KDM7A: variants seen among roughly 807,000 people sequenced by gnomAD.
The protein encoded by KDM7A is lysine-specific demethylase 7A.
A neutral mutation model predicts 114.8 loss-of-function variants in KDM7A; 28 were observed. That is an observed-to-expected ratio of 0.24 (90% CI 0.18 to 0.33). The LOEUF (loss-of-function observed/expected upper bound fraction) is 0.33, where lower values mean the gene tolerates loss of function less well. Ranked by LOEUF, KDM7A falls within the 10% of genes least tolerant of loss-of-function variation. The probability of loss-of-function intolerance (pLI) is 1.00; values close to 1 mark genes in which losing one functional copy is unlikely to be tolerated. For synonymous variants in KDM7A, 423 were observed against 397.8 expected (o/e 1.06, Z -0.75); for missense variants, 942 against 1,142.5 (o/e 0.82, Z 2.53).
In KDM7A at chr7:140,133,647, CT is replaced by C; in HGVS notation, c.289del (p.Arg97GlyfsTer41). On this transcript the variant is annotated frameshift_variant, in exon 3 of 20. Coordinates refer to ENST00000397560, the MANE Select transcript of KDM7A (RefSeq NM_030647.2). LOFTEE classifies it high-confidence loss of function. ...GTAGTCATGTCTGTGCCAGTTCCTC[CT>C]TTTTTTCACTGGATTTTTAAAAGAT... ...VLHGSSLMKK[R>X]RNWHRHDYTE... 3.2e-6 allele frequency: 5 copies of C among 1,576,030 alleles called. No individual in the cohort carries two copies. The highest frequency in any genetic ancestry group is 1.1e-5 in the South Asian group (1 of 88,210).
chr7:140,097,638 A>T lies in KDM7A; in HGVS notation c.1923T>A (p.Phe641Leu), dbSNP rs1585137794. 6.5e-7 allele frequency: 1 copy of T among 1,540,858 alleles called. No homozygotes were observed. The highest frequency in any genetic ancestry group is 9.0e-7 in the Non-Finnish European group (1 of 1,115,030). The part of the protein sequence containing the change: ...HEESQKPLNG[F>L]FTRVKSELRS... ...TGAGTTCTGATTTCACACGTGTAAAAAACCCTGAAAAAGAATGAAAGGATG... is the reference window on the plus strand; with the variant it reads ...TGAGTTCTGATTTCACACGTGTAAATAACCCTGAAAAAGAATGAAAGGATG... Residue 641 changes from phenylalanine (F) to leucine (L), a missense_variant, in exon 15 of 20, where the codon TTT becomes TTA. Physicochemically the swap from Phe to Leu is conservative, Grantham distance 22 (BLOSUM62 0). Coordinates refer to ENST00000397560, the MANE Select transcript of KDM7A (RefSeq NM_030647.2).
rs1166617295 is a variant in KDM7A, at chr7:140,087,688, A to C, written c.*3406T>G. On this transcript the variant is annotated 3_prime_UTR_variant, in exon 20 of 20. Coordinates refer to ENST00000397560, the MANE Select transcript of KDM7A (RefSeq NM_030647.2). ...TTCAAGGTTACACAGCTGATACCTAAATGGCAGAACTTCGACAAAAGCCCA... is the reference window on the plus strand; with the variant it reads ...TTCAAGGTTACACAGCTGATACCTACATGGCAGAACTTCGACAAAAGCCCA... The C allele has an allele frequency of 6.6e-6, 1 of 152,208 alleles. No individual in the cohort carries two copies. The highest frequency in any genetic ancestry group is 1.5e-5 in the Non-Finnish European group (1 of 68,036). The allele number at this position is 152,208 out of a possible 1,614,324, so 9.4% of individuals were successfully genotyped here.
intron 19 of KDM7A, 138 bp downstream of exon 19, chr7:140,091,666 G>A (rs771954936): frequency 1.4e-4 from 129 of 929,012 alleles, no homozygotes; most frequent in Non-Finnish European, 1.8e-4. Flanking sequence ...GTAGTAGCCT[G>A]TGTATACTGC....
intron 11 of KDM7A, among the ~76,000 whole-genome samples, chr7:140,104,226 G>A (rs1011818135): frequency 2.0e-5 from 3 of 152,182 alleles, no homozygotes; most frequent in Middle Eastern, 3.4e-3. Flanking sequence ...TTGTCAGATG[G>A]GTAGATTGCA....
At chr7:140,122,845 G>A (rs1184094570) in intron 7 of KDM7A, among the ~76,000 whole-genome samples, 1 of 152,196 alleles carries the variant, frequency 6.6e-6, no homozygotes, top group Non-Finnish European at 1.5e-5. Context: ...TAACAGCAAT[G>A]GAGAGCTGAC....
At chr7:140,119,580 C>CA (rs1162152632) in intron 8 of KDM7A, among the ~76,000 whole-genome samples, 1 of 152,110 alleles carries the variant, frequency 6.6e-6, no homozygotes, top group Non-Finnish European at 1.5e-5. Context: ...AATACCCACC[C>CA]AAAAAAGTTT....
chr7:140,121,816 T>C (rs1286813804), intron 7 of KDM7A, among the ~76,000 whole-genome samples: 1 of 152,170 alleles, frequency 6.6e-6, no homozygotes, highest in Non-Finnish European at 1.5e-5. Context: ...TATATATCTG[T>C]ATATACAGAC....
chr7:140,094,913 TCTCAGCTCAC>T (rs1427591882), intron 17 of KDM7A: 1 of 152,404 alleles, frequency 6.6e-6, no homozygotes, highest in African/African-American at 2.4e-5. Flanking sequence ...AATGTCGCAA[TCTCAGCTCAC>T]CGCAACCTCC....
rs1817988845 is a variant in KDM7A, at chr7:140,089,650, TGGAAAAAA to T, written c.*1436_*1443del. 1 of 151,908 alleles carries T rather than the reference TGGAAAAAA, an allele frequency of 6.6e-6. No individual in the cohort carries two copies. Among genetic ancestry groups the T allele is most frequent in the African/African-American group, 2.4e-5 (1 of 41,358 alleles). 9.4% of individuals were successfully genotyped at this position (151,908 alleles called of 1,614,324 possible). ...AAATCACTTATTTTTATGCCATGGA[TGGAAAAAA>T]GGGAAAATAGAAGCTACTATAAGCA... On this transcript the variant is annotated 3_prime_UTR_variant, in exon 20 of 20. Coordinates refer to ENST00000397560, the MANE Select transcript of KDM7A (RefSeq NM_030647.2).
chr7:140,092,248 C>T, intron 18 of KDM7A, 171 bp from the exon 19 acceptor site: 1 of 627,038 alleles, frequency 1.6e-6, no homozygotes, highest in Non-Finnish European at 2.8e-6. Flanking sequence ...GTCTCAGTAG[C>T]TCTGAAGGAC....
intron 1 of KDM7A, among the ~76,000 whole-genome samples, chr7:140,173,059 C>T (rs377127097): frequency 1.3e-4 from 20 of 152,048 alleles, no homozygotes; most frequent in Admixed American, 9.2e-4. Flanking sequence ...TCAATTAGGG[C>T]AGTGAGGCAA....
chr7:140,100,681 C>CACATAT (rs1554395402), intron 12 of KDM7A, among the ~76,000 whole-genome samples: 25 of 44,312 alleles, frequency 5.6e-4, no homozygotes, highest in South Asian at 4.3e-3. Flanking sequence ...TATATATATA[C>CACATAT]ATATATACAT....
At chr7:140,126,527 A>AC (rs1818706451) in intron 6 of KDM7A, 110 bp downstream of exon 6, 2 of 604,028 alleles carry the variant, frequency 3.3e-6, no homozygotes, top group Non-Finnish European at 5.2e-6. Flanking sequence ...AAAAAAAAAA[A>AC]AAAAAACTTC....
At chr7:140,096,867 A>G in intron 16 of KDM7A, 32 bp downstream of exon 16, 1 of 1,603,388 alleles carries the variant, frequency 6.2e-7, no homozygotes, top group Non-Finnish European at 8.5e-7. Context: ...ACCTTACAAT[A>G]TAATAAGACT....
chr7:140,096,538 T>C lies in KDM7A; in HGVS notation c.2374+17A>G, dbSNP rs1467022397. Reference sequence around the variant, plus strand: ...ACATATGTTACTTTTTAGAGACTGATAATTTATGTTTCTTACCACATTCCA... The same window carrying C: ...ACATATGTTACTTTTTAGAGACTGACAATTTATGTTTCTTACCACATTCCA... On this transcript the variant is annotated intron_variant, in intron 17 of 19. Coordinates refer to ENST00000397560, the MANE Select transcript of KDM7A (RefSeq NM_030647.2). The C allele has an allele frequency of 7.5e-6, 12 of 1,594,866 alleles. No individual in the cohort carries two copies. The highest frequency in any genetic ancestry group is 7.7e-6 in the Non-Finnish European group (9 of 1,162,560).
In KDM7A at chr7:140,094,108, A is replaced by G. The variant is rs1484992209; in HGVS notation, c.2405T>C (p.Leu802Ser). Residue 802 changes from leucine (L) to serine (S), a missense_variant, in exon 18 of 20, where the codon TTG (leucine) becomes TCG (serine). Physicochemically the swap from Leu to Ser is moderately radical, Grantham distance 145 (BLOSUM62 -2). This residue lies in a region of KDM7A where 512 missense variants were observed against 576.6 expected (regional missense o/e 0.89). Transcript: ENST00000397560. The part of the protein sequence containing the change: ...GYHVKTEDPD[L>S]RTSSWIKQFD... ...CTGTTTAATCCAGGAGGAAGTCCTCAAGTCTGGATCTTCAGTCTTGACATG... is the reference window on the plus strand; with the variant it reads ...CTGTTTAATCCAGGAGGAAGTCCTCGAGTCTGGATCTTCAGTCTTGACATG... The G allele has an allele frequency of 6.2e-7, 1 of 1,603,282 alleles. No individual in the cohort carries two copies. The highest frequency in any genetic ancestry group is 8.5e-7 in the Non-Finnish European group (1 of 1,170,008).
chr7:140,176,668 CGCGGGCG>C lies in KDM7A; in HGVS notation c.194+69_194+75del, dbSNP rs1025576165. On this transcript the variant is annotated intron_variant, in intron 1 of 19. Coordinates refer to ENST00000397560, the MANE Select transcript of KDM7A (RefSeq NM_030647.2). The surrounding 1 kb of genome is among the most constrained non-coding windows in gnomAD (Gnocchi z 4.4). ...GCGCGGCGGCCCGGCCCGAGGGAGG[CGCGGGCG>C]GCCGGCGGCGGCGGCGGTTGGTCGG... 8 of 1,001,096 alleles carry C rather than the reference CGCGGGCG, an allele frequency of 8.0e-6. No individual in the cohort carries two copies. In the African/African-American group the frequency reaches 8.9e-5, roughly 11 times the overall value. 62.0% of individuals were successfully genotyped at this position (1,001,096 alleles called of 1,614,324 possible).
At position 140,096,740 on chromosome 7, in the gene KDM7A, G is replaced by C; in HGVS notation, c.2189C>G (p.Thr730Arg). Residue 730 changes from threonine to arginine, a missense_variant, in exon 17 of 20, where the codon ACA becomes AGA. This residue lies in a region of KDM7A where 512 missense variants were observed against 576.6 expected (regional missense o/e 0.89). Coordinates refer to ENST00000397560, the MANE Select transcript of KDM7A (RefSeq NM_030647.2). ...IKRECPTSTS[T>R]EEEAIQGMLS... is the part of the protein sequence containing the mutation. Reference sequence around the variant, plus strand: ...CATGCCCTGAATAGCTTCTTCCTCTGTGCTCGTCGAGGTAGGACATTCCCT... The same window carrying C: ...CATGCCCTGAATAGCTTCTTCCTCTCTGCTCGTCGAGGTAGGACATTCCCT... The C allele has an allele frequency of 6.2e-7, 1 of 1,614,092 alleles. No homozygotes were observed. Among genetic ancestry groups the C allele is most frequent in the Non-Finnish European group, 8.5e-7 (1 of 1,179,964 alleles).
chr7:140,172,792 T>G (rs1162762770), intron 1 of KDM7A, among the ~76,000 whole-genome samples: 1 of 152,070 alleles, frequency 6.6e-6, no homozygotes, highest in Non-Finnish European at 1.5e-5. Context: ...AAAGTATACA[T>G]CAATGACAAA....
Sources: allele counts gnomAD v4.1 joint callset (sites outside exome capture counted in the v4.1 genomes callset), GRCh38; gene constraint gnomAD v4.1.1; regional missense constraint gnomAD v4.1.1; non-coding constraint Gnocchi (gnomAD v3.1); transcripts MANE v1.5; gene names NCBI Gene and HGNC (gene_info 2026-07-23, HGNC 2026-07-21).